Variants in LRRC61 observed in about 807,000 individuals in gnomAD.
LRRC61 encodes the protein leucine rich repeat containing 61.
LRRC61 carries 9 observed loss-of-function variants against 15.1 expected under a neutral mutation model. The observed-to-expected ratio is 0.60, with a 90% CI of 0.36 to 1.04. The LOEUF is 1.04. LRRC61 is among the 50% of genes least tolerant of loss of function. The pLI, the probability that LRRC61 is intolerant of heterozygous loss-of-function variation, is 0.01. For synonymous variants in LRRC61, 173 were observed against 158.6 expected, an observed-to-expected ratio of 1.09 and a Z score of -0.68; for missense variants, 344 against 335.6, an observed-to-expected ratio of 1.03 and a Z score of -0.20.
Position 150,330,787 on chromosome 7 carries a change from G to A in LRRC61, c.-145+4777G>A, listed in dbSNP as rs766007281. 3 of 1,613,634 alleles carry A rather than the reference G, an allele frequency of 1.9e-6. No homozygotes were observed. Among genetic ancestry groups the A allele is most frequent in the Admixed American group, 3.3e-5 (2 of 60,024 alleles). The stretch of plus-strand genomic sequence containing the variant: ...CCAAGTCCCCTGCAAAGCCCCAGGG[G>A]TCTGTGCGTGGACCCCACCAGGGTA... On this transcript the variant is annotated intron_variant, in intron 2 of 2. Transcript: ENST00000359623. This position sits in a 1 kb window ranked among gnomAD's most constrained non-coding sequence, Gnocchi z 4.6.
intron 2 of LRRC61, chr7:150,328,580 A>G (rs956322367): frequency 3.9e-5 from 6 of 152,196 alleles, no homozygotes; most frequent in Admixed American, 2.0e-4. Flanking sequence ...TAGCCCAGCA[A>G]GGGAGGTTTG....
chr7:150,313,089 C>T, the LRRC61 span, among the ~76,000 whole-genome samples: 1 of 152,190 alleles, frequency 6.6e-6, no homozygotes, highest in Non-Finnish European at 1.5e-5. Flanking sequence ...CCCGTAACCC[C>T]CTCCTCTGCT....
chr7:150,327,538 G>T (rs1797986853), intron 2 of LRRC61, among the ~76,000 whole-genome samples: 1 of 152,188 alleles, frequency 6.6e-6, no homozygotes, highest in Non-Finnish European at 1.5e-5. Flanking sequence ...CTTGCACCGG[G>T]CCGGGCGTGG....
At chr7:150,318,583 G>A (rs551462050), upstream of LRRC61, among the ~76,000 whole-genome samples, 1 of 152,156 alleles carries the variant, frequency 6.6e-6, no homozygotes, top group African/African-American at 2.4e-5. Flanking sequence ...CCAATATGGT[G>A]AAATCCCATC....
chr7:150,319,757 C>T (rs574760134), upstream of LRRC61, among the ~76,000 whole-genome samples: 12 of 152,312 alleles, frequency 7.9e-5, no homozygotes, highest in Non-Finnish European at 1.3e-4. Context: ...TCCCCTGACC[C>T]GAGACAGAGT....
chr7:150,312,135 C>T, the LRRC61 span, among the ~76,000 whole-genome samples: 1 of 152,194 alleles, frequency 6.6e-6, no homozygotes, highest in African/African-American at 2.4e-5. Flanking sequence ...TGCCTCCACA[C>T]CTGCTAATAT....
At chr7:150,315,029 AAAT>A in the LRRC61 span, among the ~76,000 whole-genome samples, 2 of 147,452 alleles carry the variant, frequency 1.4e-5, no homozygotes, top group Admixed American at 6.8e-5. Context: ...TAATATTTAT[AAAT>A]AATATTAATA....
upstream of LRRC61, among the ~76,000 whole-genome samples, chr7:150,319,205 CTTTTT>C (rs199647156): frequency 1.4e-5 from 2 of 140,750 alleles, no homozygotes; most frequent in Non-Finnish European, 3.1e-5. Flanking sequence ...ATTGCTTCTT[CTTTTT>C]TTTTTTTTTT....
the LRRC61 span, among the ~76,000 whole-genome samples, chr7:150,316,124 G>C: frequency 6.6e-6 from 1 of 152,192 alleles, no homozygotes; most frequent in Non-Finnish European, 1.5e-5. Context: ...CTGAACCCGG[G>C]AGGTGGAGGT....
Position 150,330,841 on chromosome 7 carries a change from G to GC in LRRC61, c.-145+4833dup. 6.2e-7 allele frequency: 1 copy of GC among 1,608,602 alleles called. No homozygotes were observed. Among genetic ancestry groups the GC allele is most frequent in the Non-Finnish European group, 8.5e-7 (1 of 1,176,766 alleles). ...AAGAGCTCCGGGGTGGAGGGGAGAAGCCAGGGGGAGCCTCTGCAGAGCAGC... is the reference window on the plus strand; with the variant it reads ...AAGAGCTCCGGGGTGGAGGGGAGAAGCCCAGGGGGAGCCTCTGCAGAGCAGC... On this transcript the variant is annotated intron_variant, in intron 2 of 2. Coordinates refer to ENST00000359623, the MANE Select transcript of LRRC61 (RefSeq NM_001142928.2). This position sits in a 1 kb window ranked among gnomAD's most constrained non-coding sequence, Gnocchi z 4.6.
At chr7:150,311,396 A>G in the LRRC61 span, among the ~76,000 whole-genome samples, 2 of 152,198 alleles carry the variant, frequency 1.3e-5, no homozygotes, top group Admixed American at 6.5e-5. Context: ...TAATACGTCT[A>G]GAGGCCCTCA....
rs748132818 is a variant in LRRC61 at position 150,337,593 on chromosome 7, G to A, written c.732G>A (p.Ala244=). ...DRQASDSLAQ[A]EQVLSSAGPT... is the part of the protein sequence containing the mutation. ...AGGCCAGCGACAGCCTGGCCCAGGC[G>A]GAGCAGGTACTCAGCTCTGCGGGCC... is the stretch of plus-strand genomic sequence containing the variant. The change falls in exon 3 of 3, where the codon GCG becomes GCA. Residue 244 remains alanine (A), a synonymous_variant. Coordinates refer to ENST00000359623, the MANE Select transcript of LRRC61 (RefSeq NM_001142928.2). 4.7e-5 allele frequency: 74 copies of A among 1,568,498 alleles called. No individual in the cohort carries two copies. The highest frequency in any genetic ancestry group is 5.4e-5 in the Non-Finnish European group (63 of 1,159,094).
chr7:150,316,674 C>T, the LRRC61 span, among the ~76,000 whole-genome samples: 1 of 151,954 alleles, frequency 6.6e-6, no homozygotes, highest in Non-Finnish European at 1.5e-5. Flanking sequence ...TTAGTAGAGA[C>T]GGGGTTTCAC....
At chr7:150,323,782 T>C in intron 1 of LRRC61, 1 of 442,978 alleles carries the variant, frequency 2.3e-6, no homozygotes, top group South Asian at 1.6e-5. Flanking sequence ...ACACTAACAA[T>C]CTCATGAGGC....
At chr7:150,311,825 G>A in the LRRC61 span, among the ~76,000 whole-genome samples, 1 of 152,140 alleles carries the variant, frequency 6.6e-6, no homozygotes, top group Non-Finnish European at 1.5e-5. Flanking sequence ...CCCAACAAGC[G>A]GAACTGATTG....
chr7:150,332,657 T>C (rs1296833790), intron 2 of LRRC61: 3 of 167,148 alleles, frequency 1.8e-5, no homozygotes, highest in African/African-American at 2.4e-5. Flanking sequence ...CTGTTTAGTA[T>C]GCAATATTTT....
chr7:150,315,302 A>G, the LRRC61 span, among the ~76,000 whole-genome samples: 1 of 152,074 alleles, frequency 6.6e-6, no homozygotes, highest in Non-Finnish European at 1.5e-5. Context: ...GTCCTGCTAA[A>G]ACATGATTAA....
chr7:150,337,385 T>C lies in LRRC61; in HGVS notation c.524T>C (p.Leu175Pro). 1 of 1,605,756 alleles carries C rather than the reference T, an allele frequency of 6.2e-7. No individual in the cohort carries two copies. The highest frequency in any genetic ancestry group is 8.5e-7 in the Non-Finnish European group (1 of 1,179,938). The change falls in exon 3 of 3, where the codon CTG (leucine) becomes CCG (proline). Residue 175 changes from leucine to proline, a missense_variant. By Grantham distance (98) the Leu-to-Pro change is moderately conservative. Transcript: ENST00000359623. The part of the protein sequence containing the change: ...VIGRGSEFYQ[L>P]CRDLDSSLRP... ...GGGCGTGGTAGTGAGTTCTACCAGC[T>C]GTGCCGAGACCTGGACAGCTCCTTG...
upstream of LRRC61, among the ~76,000 whole-genome samples, chr7:150,320,024 C>A (rs1259616970): frequency 2.0e-5 from 3 of 152,220 alleles, no homozygotes; most frequent in Non-Finnish European, 4.4e-5. Context: ...CTTTTGCCCT[C>A]TTTTGAGTAA....
Sources: allele counts gnomAD v4.1 joint callset (sites outside exome capture counted in the v4.1 genomes callset), GRCh38; gene constraint gnomAD v4.1.1; non-coding constraint Gnocchi (gnomAD v3.1); transcripts MANE v1.5; gene names NCBI Gene and HGNC (gene_info 2026-07-23, HGNC 2026-07-21).